The following GAS7 variants were observed in gnomAD, a reference collection of about 807,000 sequenced individuals.
GAS7 encodes growth arrest specific 7.
Under a neutral mutation model 71.1 loss-of-function variants are expected in GAS7, and 28 were observed. The observed-to-expected ratio is 0.39, with a 90% confidence interval of 0.29 to 0.54. The LOEUF (loss-of-function observed/expected upper bound fraction) is 0.54. Ranked by LOEUF, GAS7 falls within the 20% of genes least tolerant of loss-of-function variation. GAS7 has a pLI of 0.62. For missense variants in GAS7, 436 were observed against 627.8 expected (o/e 0.69, Z 3.27); for synonymous variants, 258 against 245.8 (o/e 1.05, Z -0.46).
At chr17:10,190,184 C>T (rs1484735097) in intron 1 of GAS7, among the ~76,000 whole-genome samples, 2 of 152,176 alleles carry the variant, frequency 1.3e-5, no homozygotes, top group Admixed American at 6.5e-5. Flanking sequence ...CAGATCACAC[C>T]GATGCAGCCG....
At chr17:10,027,376 C>A (rs1293791762) in intron 1 of GAS7, among the ~76,000 whole-genome samples, 1 of 152,084 alleles carries the variant, frequency 6.6e-6, no homozygotes, top group South Asian at 2.1e-4. Context: ...TGTGTGTGCC[C>A]CATCTGTGAA....
intron 1 of GAS7, chr17:10,039,709 C>T (rs940082824): frequency 8.8e-6 from 4 of 455,210 alleles, no homozygotes; most frequent in South Asian, 3.1e-5. Context: ...ATAAAGACGA[C>T]GAGGCTGGCC....
intron 2 of GAS7, among the ~76,000 whole-genome samples, chr17:9,986,668 C>T (rs980595329): frequency 6.6e-5 from 10 of 152,200 alleles, no homozygotes; most frequent in African/African-American, 2.4e-4. Context: ...TGGGAGGCCC[C>T]TTTCCCTGCC....
chr17:10,131,030 A>G (rs563794385), intron 1 of GAS7, among the ~76,000 whole-genome samples: 3 of 152,338 alleles, frequency 2.0e-5, no homozygotes, highest in African/African-American at 7.2e-5. Flanking sequence ...TAAAGCCGTT[A>G]TCAAAACATA....
At chr17:10,018,007 A>G (rs962865483) in intron 2 of GAS7, among the ~76,000 whole-genome samples, 1 of 152,230 alleles carries the variant, frequency 6.6e-6, no homozygotes, top group Non-Finnish European at 1.5e-5. Flanking sequence ...AGGTGAAATT[A>G]ATAGCATACC....
chr17:10,196,317 T>C (rs151216721), intron 1 of GAS7, among the ~76,000 whole-genome samples: 182 of 152,262 alleles, frequency 1.2e-3, no homozygotes, highest in African/African-American at 4.2e-3. Flanking sequence ...TGCTTGTCTA[T>C]AAAATGGGGG....
At chr17:10,181,313 T>C (rs2074414658) in intron 1 of GAS7, among the ~76,000 whole-genome samples, 1 of 150,572 alleles carries the variant, frequency 6.6e-6, no homozygotes, top group African/African-American at 2.5e-5. Context: ...TGAGCTGAGA[T>C]TGAGCCACTG....
At position 9,957,824 on chromosome 17, in the gene GAS7, C is replaced by T. The variant is rs139560597; in HGVS notation, c.525+1378G>A. On this transcript the variant is annotated intron_variant, in intron 5 of 13. Coordinates refer to ENST00000432992, the MANE Select transcript of GAS7 (RefSeq NM_201433.2). ...CGTTCTGCCCAGCCCTTGGAGACAC[C>T]GTCCATCAGCACAGGGCACTCCAAA... 3.6e-3 allele frequency among the ~76,000 whole-genome samples: 552 copies of T among 152,238 alleles called. 4 individuals carry two copies. Among genetic ancestry groups the T allele is most frequent in the Non-Finnish European group, 5.4e-3 (369 of 68,014 alleles).
chr17:10,021,245 G>A (rs1255962817), intron 1 of GAS7, among the ~76,000 whole-genome samples: 2 of 152,216 alleles, frequency 1.3e-5, no homozygotes, highest in Non-Finnish European at 1.5e-5. Context: ...AATGTCCTCA[G>A]TATCCCCCAG....
At chr17:9,920,302 G>A (rs1459439966) in intron 11 of GAS7, among the ~76,000 whole-genome samples, 1 of 152,132 alleles carries the variant, frequency 6.6e-6, no homozygotes, top group East Asian at 1.9e-4. Context: ...AGCTTCAGGA[G>A]AGTGGCTACC....
At position 10,103,448 on chromosome 17, in the gene GAS7, T is replaced by C. The variant is rs1197018712; in HGVS notation, c.184-83551A>G. 1.3e-5 allele frequency among the ~76,000 whole-genome samples: 2 copies of C among 152,160 alleles called. No homozygotes were observed. The highest frequency in any genetic ancestry group is 6.5e-5 in the Admixed American group (1 of 15,274). On this transcript the variant is annotated intron_variant, in intron 1 of 13. Transcript: ENST00000432992. The surrounding 1 kb of genome is among the most constrained non-coding windows in gnomAD (Gnocchi z 5.5). ...TAGCGACCCTACTCTAGCTGCCCAG[T>C]GAGACTGTTTTCCATTTTCCAAAAC...
chr17:10,134,436 T>C (rs929804558), intron 1 of GAS7, among the ~76,000 whole-genome samples: 3 of 152,236 alleles, frequency 2.0e-5, no homozygotes, highest in Non-Finnish European at 4.4e-5. Flanking sequence ...CCTTCGGATA[T>C]ATACCCAGTA....
chr17:9,929,087 G>C (rs567515810), intron 9 of GAS7, among the ~76,000 whole-genome samples: 9 of 152,142 alleles, frequency 5.9e-5, no homozygotes, highest in Non-Finnish European at 8.8e-5. Flanking sequence ...GAGAGCTTAC[G>C]AGAATAAATA....
rs536567690 is a variant in GAS7 at position 9,919,189 on chromosome 17, C to T, written c.1218+437G>A. 1.3e-5 allele frequency among the ~76,000 whole-genome samples: 2 copies of T among 151,006 alleles called. No homozygotes were observed. The highest frequency in any genetic ancestry group is 2.1e-4 in the South Asian group (1 of 4,740). On this transcript the variant is annotated intron_variant, in intron 12 of 13. Transcript: ENST00000432992. This position sits in a 1 kb window ranked among gnomAD's most constrained non-coding sequence, Gnocchi z 5.0. ...CACCCTTGGTGAGAGGCCTCCCCCA[C>T]CCCACTGCCTAGCTCCATCCTCACC...
chr17:10,037,845 C>G (rs1298712042), intron 1 of GAS7, among the ~76,000 whole-genome samples: 1 of 152,056 alleles, frequency 6.6e-6, no homozygotes, highest in Non-Finnish European at 1.5e-5. Flanking sequence ...AAGGTAGGCA[C>G]TGCAGTTACC....
chr17:9,953,930 A>G (rs1316055431), intron 5 of GAS7, among the ~76,000 whole-genome samples: 1 of 152,230 alleles, frequency 6.6e-6, no homozygotes, highest in East Asian at 1.9e-4. Flanking sequence ...GTAAGGCATC[A>G]TCTCTGCTCT....
intron 1 of GAS7, among the ~76,000 whole-genome samples, chr17:10,150,540 A>C (rs2074156940): frequency 6.6e-6 from 1 of 150,834 alleles, no homozygotes; most frequent in African/African-American, 2.4e-5. Context: ...AACACCTATG[A>C]GAGGCAGCAA....
At chr17:10,081,583 C>T (rs545532965) in intron 1 of GAS7, among the ~76,000 whole-genome samples, 3 of 152,256 alleles carry the variant, frequency 2.0e-5, no homozygotes, top group African/African-American at 7.2e-5. Context: ...AAAGCAATGA[C>T]TGAAAGACTG....
intron 1 of GAS7, among the ~76,000 whole-genome samples, chr17:10,059,008 C>A (rs1379198870): frequency 6.6e-6 from 1 of 152,216 alleles, no homozygotes; most frequent in African/African-American, 2.4e-5. Flanking sequence ...GTATGCTGTC[C>A]ACGCTGTATC....
Sources: gnomAD v4.1 joint callset for allele counts (sites outside exome capture counted in the v4.1 genomes callset) on GRCh38, gnomAD v4.1.1 for gene constraint, Gnocchi (gnomAD v3.1) non-coding constraint, MANE v1.5 for transcripts, NCBI Gene and HGNC (gene_info 2026-07-23, HGNC 2026-07-21) for gene names.